The following SDK1 variants were observed in gnomAD, a reference collection of about 807,000 sequenced individuals.
The protein encoded by SDK1 is protein sidekick-1.
In SDK1, 157 loss-of-function variants were observed where a neutral mutation model predicts 245.5. That is an observed-to-expected ratio of 0.64 (90% CI 0.56 to 0.73). SDK1 has a LOEUF of 0.73. SDK1 is among the 30% of genes least tolerant of loss of function. SDK1 has a pLI of 0.00. For missense variants in SDK1, 3,583 were observed against 3,002.3 expected (o/e 1.19, Z -4.52); for synonymous variants, 1,647 against 1,278.5 (o/e 1.29, Z -6.15).
rs561251555 is a variant in SDK1 at position 3,992,127 on chromosome 7, A to G, written c.2131+4805A>G. ...GATGCCATTCTCCTGGAAGCCGGGG[A>G]TCCTGCAGGGGCCAAACCCACATGG... is the stretch of plus-strand genomic sequence containing the variant. On this transcript the variant is annotated intron_variant, in intron 14 of 44. Transcript: ENST00000404826. 2.0e-5 allele frequency among the ~76,000 whole-genome samples: 3 copies of G among 152,284 alleles called. No homozygotes were observed. The South Asian group carries it at 6.2e-4, about 32-fold the overall frequency.
At chr7:3,812,233 GA>G (rs5882005) in intron 4 of SDK1, among the ~76,000 whole-genome samples, 21,877 of 152,218 alleles carry the variant, frequency 0.14, 1,712 homozygotes, top group Middle Eastern at 0.31. Context: ...GGAATAGTCA[GA>G]GTAAAAATGC....
At chr7:3,492,598 C>T (rs1404041505) in intron 1 of SDK1, among the ~76,000 whole-genome samples, 1 of 152,234 alleles carries the variant, frequency 6.6e-6, no homozygotes, top group Non-Finnish European at 1.5e-5. Flanking sequence ...ACAAGCAGTT[C>T]TTCAGTGTTC....
chr7:3,507,344 T>C (rs757905105), intron 1 of SDK1, among the ~76,000 whole-genome samples: 6 of 152,206 alleles, frequency 3.9e-5, no homozygotes, highest in Non-Finnish European at 8.8e-5. Flanking sequence ...GAACTCCTTC[T>C]GTTTTTGTAT....
intron 4 of SDK1, among the ~76,000 whole-genome samples, chr7:3,680,108 A>C (rs1348255006): frequency 6.6e-6 from 1 of 152,226 alleles, no homozygotes; most frequent in Non-Finnish European, 1.5e-5. Flanking sequence ...CGGCAATAAA[A>C]GGAATGAATG....
chr7:3,948,791 C>G (rs1241791954), intron 5 of SDK1, among the ~76,000 whole-genome samples: 1 of 152,220 alleles, frequency 6.6e-6, no homozygotes, highest in Non-Finnish European at 1.5e-5. Context: ...GGCCCAAGGA[C>G]CATTCTCCTC....
chr7:3,422,490 C>T (rs563163387), intron 1 of SDK1, among the ~76,000 whole-genome samples: 1 of 152,220 alleles, frequency 6.6e-6, no homozygotes, highest in African/African-American at 2.4e-5. Flanking sequence ...TACTGGAAGT[C>T]CTTTTGAAAA....
chr7:3,653,647 C>A (rs1249823214), intron 4 of SDK1, among the ~76,000 whole-genome samples: 1 of 152,150 alleles, frequency 6.6e-6, no homozygotes, highest in Non-Finnish European at 1.5e-5. Context: ...AGAATAAACG[C>A]ATCCCAATCA....
At chr7:3,995,085 A>G (rs998364800) in intron 14 of SDK1, among the ~76,000 whole-genome samples, 1 of 152,140 alleles carries the variant, frequency 6.6e-6, no homozygotes, top group Non-Finnish European at 1.5e-5. Flanking sequence ...GCTTCTTAGC[A>G]TGGTAGCAGC....
Position 3,429,760 on chromosome 7 carries a change from C to CTTT in SDK1, c.298+127887_298+127889dup, listed in dbSNP as rs1237597039. ...TACAGGTGTGGGACACCATGTCTGG[C>CTTT]TTTTTTTTTTTTTGTAGAGACAGGT... On this transcript the variant is annotated intron_variant, in intron 1 of 44. Transcript: ENST00000404826. Among the ~76,000 whole-genome samples the CTTT allele has an allele frequency of 8.1e-3, 1,168 of 143,320 alleles. 18 individuals carry two copies. Among genetic ancestry groups the CTTT allele is most frequent in the African/African-American group, 0.028 (1,099 of 39,258 alleles). The allele number at this position is 143,320 out of a possible 152,430, so 94.0% of individuals were successfully genotyped here.
At chr7:3,501,101 A>G (rs984746667) in intron 1 of SDK1, among the ~76,000 whole-genome samples, 10 of 152,168 alleles carry the variant, frequency 6.6e-5, no homozygotes, top group African/African-American at 2.4e-4. Context: ...TATAATGCAA[A>G]GTGGCAGACT....
At chr7:3,986,577 T>C (rs754871344) in intron 13 of SDK1, among the ~76,000 whole-genome samples, 6 of 152,220 alleles carry the variant, frequency 3.9e-5, no homozygotes, top group Non-Finnish European at 8.8e-5. Flanking sequence ...AATGTATGTG[T>C]AGGCCGGGCA....
chr7:4,180,026 C>G (rs2128219484), intron 35 of SDK1, among the ~76,000 whole-genome samples: 1 of 152,144 alleles, frequency 6.6e-6, no homozygotes, highest in East Asian at 1.9e-4. Flanking sequence ...TGGGCAGGCC[C>G]TGAGACCGAG....
intron 35 of SDK1, chr7:4,179,378 C>T (rs1171033938): frequency 6.6e-6 from 1 of 151,274 alleles, no homozygotes; most frequent in African/African-American, 2.4e-5. Flanking sequence ...GGAGCTGCTG[C>T]ATAGTGGGGA....
At position 3,936,972 on chromosome 7, in the gene SDK1, G is replaced by T. The variant is rs532257801; in HGVS notation, c.848-13951G>T. Among the ~76,000 whole-genome samples the T allele has an allele frequency of 3.9e-5, 6 of 152,332 alleles. No individual in the cohort carries two copies. In the South Asian group the frequency reaches 1.0e-3, roughly 26 times the overall value. ...ACGGTCAGGTGTAGCCGAAGCTCAG[G>T]AATGTTGGAACTCGGAGAGGCTGTG... On this transcript the variant is annotated intron_variant, in intron 5 of 44. Coordinates refer to ENST00000404826, the MANE Select transcript of SDK1 (RefSeq NM_152744.4).
chr7:3,596,569 G>A (rs193141296), intron 1 of SDK1, among the ~76,000 whole-genome samples: 59 of 152,230 alleles, frequency 3.9e-4, no homozygotes, highest in Admixed American at 1.3e-3. Flanking sequence ...CCAGATGAAC[G>A]TCTCCATCAC....
chr7:3,362,313 C>G (rs1780974759), intron 1 of SDK1, among the ~76,000 whole-genome samples: 1 of 152,130 alleles, frequency 6.6e-6, no homozygotes, highest in African/African-American at 2.4e-5. Flanking sequence ...TTTTTGAAGA[C>G]TATCTTTTTG....
chr7:3,431,930 C>T (rs1779858338), intron 1 of SDK1, among the ~76,000 whole-genome samples: 1 of 151,804 alleles, frequency 6.6e-6, no homozygotes, highest in Non-Finnish European at 1.5e-5. Flanking sequence ...TCCTTTAAGA[C>T]CTAACCTTTT....
intron 22 of SDK1, among the ~76,000 whole-genome samples, chr7:4,080,152 G>A (rs1029259609): frequency 6.6e-6 from 1 of 152,130 alleles, no homozygotes; most frequent in African/African-American, 2.4e-5. Flanking sequence ...GGGTGCTGGA[G>A]GGAGGGGAGC....
At chr7:3,349,154 C>T (rs1057130651) in intron 1 of SDK1, among the ~76,000 whole-genome samples, 4 of 151,600 alleles carry the variant, frequency 2.6e-5, no homozygotes, top group African/African-American at 9.7e-5. Context: ...TTCCTCAGTC[C>T]CCCATTGCCT....
Sources: allele counts gnomAD v4.1 joint callset (sites outside exome capture counted in the v4.1 genomes callset), GRCh38; gene constraint gnomAD v4.1.1; transcripts MANE v1.5; gene names NCBI Gene and HGNC (gene_info 2026-07-23, HGNC 2026-07-21).